Variants in AGBL1 observed in about 807,000 individuals in gnomAD.
AGBL1 encodes AGBL carboxypeptidase 1, also known as cytosolic carboxypeptidase 4.
In AGBL1, 130 loss-of-function variants were observed where a neutral mutation model predicts 118.9. The observed-to-expected ratio is 1.09, with a 90% CI of 0.95 to 1.26. The LOEUF is 1.26. AGBL1 is among the 50% of genes most tolerant of loss of function. The probability of loss-of-function intolerance (pLI) is 0.00; values close to 1 mark genes in which losing one functional copy is unlikely to be tolerated. For missense variants in AGBL1, 1,584 were observed against 1,298.1 expected, an observed-to-expected ratio of 1.22 and a Z score of -3.38; for synonymous variants, 555 against 478.9, an observed-to-expected ratio of 1.16 and a Z score of -2.08.
In AGBL1 at chr15:86,747,940, C is replaced by T. The variant is rs567259918; in HGVS notation, c.3158+73504C>T. On this transcript the variant is annotated intron_variant, in intron 22 of 22. Transcript: ENST00000614907. Reference sequence around the variant, plus strand: ...TGTGAATAGTGCCACAATAAACATACGTGTGCATGTGACTTTATAGCAGCA... The same window carrying T: ...TGTGAATAGTGCCACAATAAACATATGTGTGCATGTGACTTTATAGCAGCA... 1.1e-4 allele frequency among the ~76,000 whole-genome samples: 16 copies of T among 152,250 alleles called. No individual in the cohort carries two copies. The South Asian group carries it at 1.2e-3, about 12-fold the overall frequency.
At chr15:86,863,304 A>G (rs369216150) in intron 22 of AGBL1, among the ~76,000 whole-genome samples, 1 of 152,210 alleles carries the variant, frequency 6.6e-6, no homozygotes, top group South Asian at 2.1e-4. Flanking sequence ...CCCCTAAGGA[A>G]CTGCATATTT....
chr15:86,275,625 T>C lies in AGBL1; in HGVS notation c.2075+3919T>C, dbSNP rs142018317. On this transcript the variant is annotated intron_variant, in intron 15 of 22. Transcript: ENST00000614907. Reference sequence around the variant, plus strand: ...CTTTGTGTACTTGCTCCTTGCTTCATTGAAGTCTTTATGATTATAAAAGTG... The same window carrying C: ...CTTTGTGTACTTGCTCCTTGCTTCACTGAAGTCTTTATGATTATAAAAGTG... 2.4e-3 allele frequency among the ~76,000 whole-genome samples: 369 copies of C among 152,362 alleles called. 1 individual carries two copies. The highest frequency in any genetic ancestry group is 8.4e-3 in the African/African-American group (348 of 41,580).
chr15:86,185,588 G>A (rs2077618688), intron 5 of AGBL1, among the ~76,000 whole-genome samples: 1 of 152,160 alleles, frequency 6.6e-6, no homozygotes, highest in Non-Finnish European at 1.5e-5. Context: ...AAAAAAGGAT[G>A]ACTTCATGTC....
chr15:86,326,490 G>A (rs933806880), intron 17 of AGBL1, among the ~76,000 whole-genome samples: 2 of 152,162 alleles, frequency 1.3e-5, no homozygotes, highest in African/African-American at 4.8e-5. Flanking sequence ...GCCAACCAAG[G>A]TGAGGATGCA....
At chr15:86,188,627 G>A (rs1314308415) in intron 5 of AGBL1, among the ~76,000 whole-genome samples, 1 of 152,152 alleles carries the variant, frequency 6.6e-6, no homozygotes, top group Non-Finnish European at 1.5e-5. Context: ...GTGGATCGAG[G>A]CTTTCATAAT....
intron 17 of AGBL1, among the ~76,000 whole-genome samples, chr15:86,344,002 G>C (rs1259436466): frequency 6.6e-6 from 1 of 152,186 alleles, no homozygotes; most frequent in Non-Finnish European, 1.5e-5. Flanking sequence ...TCACAAGGTA[G>C]CATATTTTTG....
At chr15:86,574,364 G>A (rs2084052452) in intron 21 of AGBL1, among the ~76,000 whole-genome samples, 1 of 152,112 alleles carries the variant, frequency 6.6e-6, no homozygotes. Context: ...GAGGTGGAAG[G>A]ATGGTTGGCT....
chr15:86,829,544 C>A (rs959534052), intron 22 of AGBL1, among the ~76,000 whole-genome samples: 1 of 152,042 alleles, frequency 6.6e-6, no homozygotes, highest in South Asian at 2.1e-4. Context: ...GGAAGAGAAC[C>A]ACTTGCCATT....
chr15:86,859,308 C>T (rs551107536), intron 22 of AGBL1, among the ~76,000 whole-genome samples: 53 of 152,310 alleles, frequency 3.5e-4, no homozygotes, highest in Non-Finnish European at 1.5e-4. Flanking sequence ...ACATTCACAT[C>T]TGTGCAAAGG....
In AGBL1 at chr15:86,964,212, A is replaced by G. The variant is rs554923287; in HGVS notation, c.3222-23775A>G. On this transcript the variant is annotated intron_variant, in intron 23 of 24. Transcript: ENST00000441037. ...CTGACTGTAAAACTAGGACTCTTCA[A>G]TCACTCTTTTGCAGGGTTTCTTAAC... Among the ~76,000 whole-genome samples, 43 of 152,122 alleles carry G rather than the reference A, an allele frequency of 2.8e-4. No homozygotes were observed. In the South Asian group the frequency reaches 7.9e-3, roughly 28 times the overall value.
At chr15:86,798,662 A>G (rs1372715224) in intron 22 of AGBL1, among the ~76,000 whole-genome samples, 4 of 150,896 alleles carry the variant, frequency 2.7e-5, no homozygotes, top group Non-Finnish European at 5.9e-5. Flanking sequence ...ACTGGGAGGA[A>G]GACAAACTTA....
At chr15:86,842,951 C>T (rs1014455668) in intron 22 of AGBL1, among the ~76,000 whole-genome samples, 2 of 152,096 alleles carry the variant, frequency 1.3e-5, no homozygotes, top group African/African-American at 4.8e-5. Context: ...CTGGAAAATG[C>T]TTGCAACTCC....
chr15:86,730,825 T>TTTTA (rs113867199), intron 22 of AGBL1, among the ~76,000 whole-genome samples: 2,282 of 152,064 alleles, frequency 0.015, 51 homozygotes, highest in African/African-American at 0.052. Flanking sequence ...TTTTATTTTA[T>TTTTA]TTTATTTATT....
Position 86,397,549 on chromosome 15 carries a change from A to G in AGBL1, c.2555+3A>G. 1 of 1,601,860 alleles carries G rather than the reference A, an allele frequency of 6.2e-7. No homozygotes were observed. Among genetic ancestry groups the G allele is most frequent in the African/African-American group, 1.3e-5 (1 of 74,794 alleles). ...CCAGATGGTGTCATCAACGGCAAGT[A>G]TGTCAGGCACCTGGCTCAGCCAAAC... On this transcript the variant is annotated splice_donor_region_variant and intron_variant, in intron 18 of 22. Transcript: ENST00000614907.
intron 22 of AGBL1, among the ~76,000 whole-genome samples, chr15:86,676,444 C>T (rs1049986891): frequency 1.3e-5 from 2 of 152,182 alleles, no homozygotes; most frequent in Non-Finnish European, 2.9e-5. Context: ...AAAAAGATGA[C>T]AGAGAGAAAA....
At chr15:86,751,445 T>C (rs2077849972) in intron 22 of AGBL1, among the ~76,000 whole-genome samples, 1 of 152,092 alleles carries the variant, frequency 6.6e-6, no homozygotes, top group African/African-American at 2.4e-5. Flanking sequence ...ACCTAGGCCA[T>C]ACCATTCAGG....
intron 21 of AGBL1, among the ~76,000 whole-genome samples, chr15:86,662,763 C>A (rs1386203748): frequency 1.3e-5 from 2 of 152,140 alleles, no homozygotes; most frequent in East Asian, 3.9e-4. Flanking sequence ...TGCTAATCTG[C>A]AGACCATAAT....
At chr15:86,153,856 G>C (rs190354499) in intron 3 of AGBL1, among the ~76,000 whole-genome samples, 1 of 152,142 alleles carries the variant, frequency 6.6e-6, no homozygotes, top group East Asian at 1.9e-4. Context: ...AGAAATTGCA[G>C]GTTAGCATTT....
intron 18 of AGBL1, among the ~76,000 whole-genome samples, chr15:86,421,882 AT>A (rs2142024968): frequency 6.6e-6 from 1 of 152,364 alleles, no homozygotes; most frequent in South Asian, 2.1e-4. Flanking sequence ...AAAGGGATCA[AT>A]GCAACAAGAA....
Sources: allele counts gnomAD v4.1 joint callset (sites outside exome capture counted in the v4.1 genomes callset), GRCh38; gene constraint gnomAD v4.1.1; transcripts MANE v1.5; gene names NCBI Gene and HGNC (gene_info 2026-07-23, HGNC 2026-07-21).